The following ADGRV1 variants were observed in gnomAD, a reference collection of about 807,000 sequenced individuals.
ADGRV1 encodes adhesion G protein-coupled receptor V1.
Under a neutral mutation model 596.2 loss-of-function variants are expected in ADGRV1, and 359 were observed. The ratio of observed to expected loss-of-function variants is 0.60; its 90% CI spans 0.55 to 0.66. The LOEUF is 0.66. Among genes scored for constraint, ADGRV1 ranks in the 30% least tolerant of loss-of-function variants. The pLI is 0.00. For missense variants in ADGRV1, 7,274 were observed against 7,575.6 expected, an observed-to-expected ratio of 0.96 and a Z score of 1.48; for synonymous variants, 2,681 against 2,679.2, an observed-to-expected ratio of 1.00 and a Z score of -0.02.
At chr5:91,163,088 G>A (rs533395999) in intron 89 of ADGRV1, among the ~76,000 whole-genome samples, 1 of 152,120 alleles carries the variant, frequency 6.6e-6, no homozygotes, top group Non-Finnish European at 1.5e-5. Context: ...TGTTACTCTA[G>A]CATAGTTTTT....
At chr5:90,700,190 T>C (rs1286107975) in intron 34 of ADGRV1, among the ~76,000 whole-genome samples, 2 of 152,222 alleles carry the variant, frequency 1.3e-5, no homozygotes, top group Non-Finnish European at 2.9e-5. Context: ...GAAAACATCA[T>C]GGTGATTCTT....
intron 21 of ADGRV1, among the ~76,000 whole-genome samples, chr5:90,668,246 G>A (rs1239807350): frequency 6.6e-6 from 1 of 152,004 alleles, no homozygotes; most frequent in Non-Finnish European, 1.5e-5. Flanking sequence ...AGACTGCTGT[G>A]CTAGCAATCA....
At position 91,054,235 on chromosome 5, in the gene ADGRV1, A is replaced by C. The variant is rs1040425636; in HGVS notation, c.18153-18212A>C. On this transcript the variant is annotated intron_variant, in intron 85 of 89. Transcript: ENST00000405460. The stretch of plus-strand genomic sequence containing the variant: ...GATACCCCACTCCTAGTTCAATCCT[A>C]GTTTATTTCTTTTTTGCCTCATTTC... 3.3e-5 allele frequency among the ~76,000 whole-genome samples: 5 copies of C among 152,108 alleles called. No homozygotes were observed. The East Asian group carries it at 5.8e-4, about 18-fold the overall frequency.
At chr5:90,824,625 A>G (rs185023062) in intron 76 of ADGRV1, among the ~76,000 whole-genome samples, 33 of 152,362 alleles carry the variant, frequency 2.2e-4, no homozygotes, top group African/African-American at 7.2e-4. Context: ...TGAAATTTCA[A>G]TACTCAAGAC....
At chr5:90,576,165 C>G (rs568212186) in intron 1 of ADGRV1, among the ~76,000 whole-genome samples, 10 of 152,096 alleles carry the variant, frequency 6.6e-5, no homozygotes, top group African/African-American at 2.4e-4. Context: ...GCACAATGTG[C>G]AGGTTTGTTA....
At chr5:90,763,264 T>G (rs1209120418) in intron 58 of ADGRV1, 41 bp from the exon 59 acceptor site, 3 of 848,604 alleles carry the variant, frequency 3.5e-6, no homozygotes, top group African/African-American at 4.0e-5. Flanking sequence ...GCTCTTTTTG[T>G]TTTTTTTTTT....
intron 75 of ADGRV1, among the ~76,000 whole-genome samples, chr5:90,818,300 TAAG>T (rs1444162935): frequency 6.6e-6 from 1 of 151,696 alleles, no homozygotes; most frequent in Non-Finnish European, 1.5e-5. Context: ...CTTACCAGCT[TAAG>T]GAGATTTTGG....
intron 83 of ADGRV1, among the ~76,000 whole-genome samples, chr5:90,955,265 T>C (rs754328633): frequency 5.9e-5 from 9 of 152,160 alleles, no homozygotes; most frequent in Admixed American, 3.3e-4. Flanking sequence ...CTCAGACACA[T>C]TTCTTCCTCA....
intron 2 of ADGRV1, among the ~76,000 whole-genome samples, chr5:90,615,810 C>T (rs552141358): frequency 1.9e-4 from 29 of 151,940 alleles, no homozygotes; most frequent in African/African-American, 7.0e-4. Flanking sequence ...TAATCTTTTT[C>T]ATAAAATTTT....
At chr5:90,562,843 C>T (rs1314876839) in intron 1 of ADGRV1, among the ~76,000 whole-genome samples, 3 of 152,110 alleles carry the variant, frequency 2.0e-5, no homozygotes, top group South Asian at 2.1e-4. Flanking sequence ...TGTATGCATT[C>T]GGATGTAATT....
intron 85 of ADGRV1, among the ~76,000 whole-genome samples, chr5:91,026,670 A>G (rs1436239291): frequency 6.6e-6 from 1 of 152,142 alleles, no homozygotes; most frequent in Non-Finnish European, 1.5e-5. Flanking sequence ...CTGTGAGTGG[A>G]TTTTGGAGGA....
At chr5:91,054,096 TGTGTGTGAGAGAGAGA>T (rs1280365876) in intron 85 of ADGRV1, among the ~76,000 whole-genome samples, 2 of 122,010 alleles carry the variant, frequency 1.6e-5, no homozygotes, top group African/African-American at 6.8e-5. Flanking sequence ...TGTGTGTGTG[TGTGTGTGAGAGAGAGA>T]GAGAGAGAGA....
chr5:90,679,579 GT>G lies in ADGRV1; in HGVS notation c.5475del (p.Ser1826ValfsTer19). On this transcript the variant is annotated frameshift_variant, in exon 26 of 90. Coordinates refer to ENST00000405460, the MANE Select transcript of ADGRV1 (RefSeq NM_032119.4). LOFTEE classifies it high-confidence loss of function. ...VAELFRVDGS[G>X]SGDGDMEFFL... is the part of the protein sequence containing the mutation. ...GAACTCTTTAGGGTTGATGGAAGTG[GT>G]AGTGGTGATGGGGACATGGAATTCT... The G allele has an allele frequency of 6.2e-7, 1 of 1,613,636 alleles. No homozygotes were observed. Among genetic ancestry groups the G allele is most frequent in the Non-Finnish European group, 8.5e-7 (1 of 1,179,696 alleles).
intron 86 of ADGRV1, among the ~76,000 whole-genome samples, chr5:91,099,713 GAGA>G (rs1791200702): frequency 6.6e-6 from 1 of 152,126 alleles, no homozygotes; most frequent in Non-Finnish European, 1.5e-5. Flanking sequence ...CAAGAATAAT[GAGA>G]AGTAGATCTC....
In ADGRV1 at chr5:90,811,243, TC is replaced by T. The variant is rs1554125179; in HGVS notation, c.15984del (p.Tyr5329ThrfsTer40). 3.7e-6 allele frequency: 6 copies of T among 1,612,572 alleles called. No homozygotes were observed. The highest frequency in any genetic ancestry group is 5.1e-6 in the Non-Finnish European group (6 of 1,179,138). On this transcript the variant is annotated frameshift_variant, in exon 74 of 90. Transcript: ENST00000405460. LOFTEE classifies it high-confidence loss of function. ...DDDEPEGQEF[F>X]YVFLTNPQGG... ...GATGAGCCTGAGGGGCAGGAATTCT[TC>T]TACGTGTTTCTCACAAACCCTCAAG...
At position 90,757,101 on chromosome 5, in the gene ADGRV1, C is replaced by A; in HGVS notation, c.11880C>A (p.Asp3960Glu). Residue 3960 changes from aspartate (D) to glutamate (E), a missense_variant, in exon 57 of 90, where the codon GAC becomes GAA. By Grantham distance (45) the Asp-to-Glu change is conservative (BLOSUM62 2). Around this residue, in one of 5 missense-constraint regions of ADGRV1, gnomAD observed 3,643 missense variants for 3,809.2 expected, o/e 0.96. Transcript: ENST00000405460. ...ATGTTTATTGGAAAGCATCACCAGA[C>A]AGTGCTGGCCTGGAAGACTTTAAAC... is the stretch of plus-strand genomic sequence containing the variant. ...AVNVYWKASP[D>E]SAGLEDFKPS... 6.2e-7 allele frequency: 1 copy of A among 1,613,956 alleles called. No individual in the cohort carries two copies. The highest frequency in any genetic ancestry group is 8.5e-7 in the Non-Finnish European group (1 of 1,179,842).
rs766379556 is a variant in ADGRV1 at position 90,788,301 on chromosome 5, T to TACATTA, written c.13887_13892dup (p.Leu4630_Thr4631dup). On this transcript the variant is annotated inframe_insertion, in exon 68 of 90. Transcript: ENST00000405460. The stretch of plus-strand genomic sequence containing the variant: ...AATTAGACTCCAGAGCTAAAGATGT[T>TACATTA]ACATTAACCGTATGTATGGCTTTAT... The TACATTA allele has an allele frequency of 1.2e-6, 2 of 1,611,304 alleles. No homozygotes were observed. Among genetic ancestry groups the TACATTA allele is most frequent in the Admixed American group, 3.3e-5 (2 of 59,964 alleles).
intron 59 of ADGRV1, among the ~76,000 whole-genome samples, chr5:90,767,446 T>G (rs1336613498): frequency 2.0e-5 from 3 of 152,050 alleles, no homozygotes; most frequent in African/African-American, 7.2e-5. Context: ...AAGGAAATAA[T>G]TATTAAAAGA....
At chr5:90,600,507 C>A (rs893981268) in intron 1 of ADGRV1, among the ~76,000 whole-genome samples, 1 of 152,174 alleles carries the variant, frequency 6.6e-6, no homozygotes, top group Non-Finnish European at 1.5e-5. Flanking sequence ...TGGCTGCATA[C>A]TATTCCATGG....
Sources: gnomAD v4.1 joint callset for allele counts (sites outside exome capture counted in the v4.1 genomes callset) on GRCh38, gnomAD v4.1.1 for gene constraint, gnomAD v4.1.1 regional missense constraint, MANE v1.5 for transcripts, NCBI Gene and HGNC (gene_info 2026-07-23, HGNC 2026-07-21) for gene names.